UGT8: variants seen among roughly 807,000 people sequenced by gnomAD.
UGT8 encodes the protein 2-hydroxyacylsphingosine 1-beta-galactosyltransferase.
In UGT8, 12 loss-of-function variants were observed where a neutral mutation model predicts 40.5. The observed-to-expected ratio is 0.30, with a 90% CI of 0.19 to 0.48. The LOEUF is 0.48. UGT8 is among the 20% of genes least tolerant of loss of function. The pLI is 0.99. For missense variants in UGT8, 513 were observed against 648.7 expected (o/e 0.79, Z 2.27); for synonymous variants, 224 against 240.4 (o/e 0.93, Z 0.63).
At chr4:114,668,497 A>T (rs760624271) in intron 5 of UGT8, among the ~76,000 whole-genome samples, 193 bp downstream of exon 5, 1 of 152,224 alleles carries the variant, frequency 6.6e-6, no homozygotes, top group Non-Finnish European at 1.5e-5. Context: ...CAGCCATGTT[A>T]TGACACCAGA....
At position 114,664,020 on chromosome 4, in the gene UGT8, C is replaced by T; in HGVS notation, c.848C>T (p.Ala283Val). The T allele has an allele frequency of 1.2e-6, 2 of 1,613,896 alleles. No individual in the cohort carries two copies. Among genetic ancestry groups the T allele is most frequent in the Non-Finnish European group, 1.7e-6 (2 of 1,179,914 alleles). The part of the protein sequence containing the change: ...PEDLQRWVNG[A>V]NEHGFVLVSF... ...GATCTCCAAAGATGGGTAAATGGTG[C>T]TAATGAACATGGCTTTGTCTTGGTG... Residue 283 changes from alanine to valine, a missense_variant, in exon 3 of 6, where the codon GCT (alanine) becomes GTT (valine). Around this residue, in one of 3 missense-constraint regions of UGT8, gnomAD observed 335 missense variants for 444.8 expected, o/e 0.75. Transcript: ENST00000310836.
chr4:114,634,539 G>T (rs181477143), intron 2 of UGT8, among the ~76,000 whole-genome samples: 1 of 152,168 alleles, frequency 6.6e-6, no homozygotes, highest in Non-Finnish European at 1.5e-5. Context: ...TCCTTTATTG[G>T]TGTTGGTGAA....
At chr4:114,675,596 C>T (rs1442401216) in intron 5 of UGT8, among the ~76,000 whole-genome samples, 2 of 150,302 alleles carry the variant, frequency 1.3e-5, no homozygotes, top group Admixed American at 6.6e-5. Context: ...AAAAATTAGC[C>T]GGGCGTAGTG....
At chr4:114,672,985 A>G (rs1560713050) in intron 5 of UGT8, among the ~76,000 whole-genome samples, 2 of 152,172 alleles carry the variant, frequency 1.3e-5, no homozygotes, top group Non-Finnish European at 2.9e-5. Flanking sequence ...TTAGAAAGAA[A>G]GATGGAGAAT....
chr4:114,629,769 T>C (rs1351406377), intron 2 of UGT8, among the ~76,000 whole-genome samples: 1 of 152,208 alleles, frequency 6.6e-6, no homozygotes, highest in Admixed American at 6.5e-5. Context: ...AAGGATTTCC[T>C]GATATGATAG....
At chr4:114,599,288 C>T (rs1199087261) in intron 1 of UGT8, among the ~76,000 whole-genome samples, 1 of 152,098 alleles carries the variant, frequency 6.6e-6, no homozygotes, top group Non-Finnish European at 1.5e-5. Flanking sequence ...CGCGTTTGTG[C>T]GCTCAAGGCA....
chr4:114,674,915 A>G (rs1033650055), intron 5 of UGT8, among the ~76,000 whole-genome samples: 3 of 152,236 alleles, frequency 2.0e-5, no homozygotes, highest in African/African-American at 7.2e-5. Flanking sequence ...TGGCACATGA[A>G]TGTGCAGTCA....
intron 2 of UGT8, among the ~76,000 whole-genome samples, chr4:114,625,597 T>G (rs1439655965): frequency 2.0e-5 from 3 of 151,676 alleles, no homozygotes; most frequent in Non-Finnish European, 2.9e-5. Flanking sequence ...TTGTCTTGAG[T>G]TGCAGCAACT....
chr4:114,645,543 A>G (rs540363217), intron 2 of UGT8, among the ~76,000 whole-genome samples: 2 of 152,284 alleles, frequency 1.3e-5, no homozygotes, highest in East Asian at 3.9e-4. Flanking sequence ...TCTATATCAC[A>G]TTGTTAGAAA....
chr4:114,602,694 G>A (rs1046786830), intron 1 of UGT8, among the ~76,000 whole-genome samples: 9 of 152,150 alleles, frequency 5.9e-5, no homozygotes, highest in Non-Finnish European at 8.8e-5. Context: ...TGGCTGTTCT[G>A]TAAGTGCCGT....
intron 1 of UGT8, among the ~76,000 whole-genome samples, chr4:114,608,041 T>G (rs546514772): frequency 6.6e-6 from 1 of 152,350 alleles, no homozygotes; most frequent in South Asian, 2.1e-4. Context: ...GGCTGTCTAT[T>G]GTCTAGCTGC....
intron 2 of UGT8, among the ~76,000 whole-genome samples, chr4:114,652,828 TG>T (rs1350705895): frequency 6.6e-6 from 1 of 152,092 alleles, no homozygotes; most frequent in Non-Finnish European, 1.5e-5. Flanking sequence ...GAGTCTTTGC[TG>T]GGTCCAGTTA....
In UGT8 at chr4:114,622,916, G is replaced by A; in HGVS notation, c.36G>A (p.Trp12Ter). The A allele has an allele frequency of 6.2e-7, 1 of 1,613,954 alleles. No individual in the cohort carries two copies. ...ACACTCCATATTTCATTCTCCTGTG[G>A]AGTGCTGTTGGGATAGCGAAGGCTG... ...KSYTPYFILL[W>*]SAVGIAKAAK... Residue 12 changes from tryptophan (W) to a stop codon, truncating the protein, a stop_gained, in exon 2 of 6, where the codon TGG (tryptophan) becomes TGA (stop). Coordinates refer to ENST00000310836, the MANE Select transcript of UGT8 (RefSeq NM_001128174.3). LOFTEE classifies it high-confidence loss of function.
Position 114,677,649 on chromosome 4 carries a change from G to C in UGT8, c.*1361G>C, listed in dbSNP as rs1451795355. On this transcript the variant is annotated 3_prime_UTR_variant, in exon 6 of 6. Coordinates refer to ENST00000310836, the MANE Select transcript of UGT8 (RefSeq NM_001128174.3). ...TCCCTGCTGAAGCATTCACTAGTTG[G>C]CAACTATGAATTTATTCCATGTCAT... 6.6e-6 allele frequency: 1 copy of C among 152,162 alleles called. No individual in the cohort carries two copies. The highest frequency in any genetic ancestry group is 1.5e-5 in the Non-Finnish European group (1 of 68,030). The allele number at this position is 152,162 out of a possible 1,614,324, so 9.4% of individuals were successfully genotyped here.
intron 1 of UGT8, among the ~76,000 whole-genome samples, chr4:114,614,271 G>A (rs778748919): frequency 1.3e-5 from 2 of 152,138 alleles, no homozygotes; most frequent in African/African-American, 4.8e-5. Flanking sequence ...AGGTTCTTTT[G>A]TATTTCTCTT....
intron 5 of UGT8, among the ~76,000 whole-genome samples, chr4:114,669,906 A>T (rs1371549657): frequency 6.6e-6 from 1 of 152,238 alleles, no homozygotes; most frequent in Admixed American, 6.5e-5. Flanking sequence ...AAAAGTCATT[A>T]TATAAACTGA....
chr4:114,611,407 T>TAG (rs1352761517), intron 1 of UGT8, among the ~76,000 whole-genome samples: 2 of 10,492 alleles, frequency 1.9e-4, no homozygotes, highest in East Asian at 0.013. Context: ...TATATCCATA[T>TAG]ATATATATAT....
Position 114,666,218 on chromosome 4 carries a change from A to G in UGT8, c.1042+462A>G, listed in dbSNP as rs1300547994. Among the ~76,000 whole-genome samples the G allele has an allele frequency of 2.0e-5, 3 of 152,240 alleles. No individual in the cohort carries two copies. In the East Asian group the frequency reaches 5.8e-4, roughly 29 times the overall value. ...GTCTGAAACCAAAGAGAAGCAGAAGACCATGGGAACAGTCAATTTATTTTA... is the reference window on the plus strand; with the variant it reads ...GTCTGAAACCAAAGAGAAGCAGAAGGCCATGGGAACAGTCAATTTATTTTA... On this transcript the variant is annotated intron_variant, in intron 4 of 5. Transcript: ENST00000310836.
chr4:114,626,046 T>C (rs1732195401), intron 2 of UGT8, among the ~76,000 whole-genome samples: 2 of 152,200 alleles, frequency 1.3e-5, no homozygotes, highest in African/African-American at 4.8e-5. Context: ...TATATTATTA[T>C]TATTGGAAGT....
Sources: gnomAD v4.1 joint callset for allele counts (sites outside exome capture counted in the v4.1 genomes callset) on GRCh38, gnomAD v4.1.1 for gene constraint, gnomAD v4.1.1 regional missense constraint, MANE v1.5 for transcripts, NCBI Gene and HGNC (gene_info 2026-07-23, HGNC 2026-07-21) for gene names.